SUSD1: variants seen among roughly 807,000 people sequenced by gnomAD.
SUSD1 encodes sushi domain containing 1, also known as sushi domain-containing protein 1.
A neutral mutation model predicts 86.9 loss-of-function variants in SUSD1; 65 were observed. That is an observed-to-expected ratio of 0.75 (90% CI 0.61 to 0.92). The LOEUF is 0.92. Among genes scored for constraint, SUSD1 ranks in the 40% least tolerant of loss-of-function variants. The pLI is 0.00. For missense variants in SUSD1, 850 were observed against 929.7 expected (o/e 0.91, Z 1.11); for synonymous variants, 346 against 350.0 (o/e 0.99, Z 0.13).
intron 2 of SUSD1, among the ~76,000 whole-genome samples, chr9:112,151,299 T>C (rs1833032793): frequency 6.6e-6 from 1 of 152,186 alleles, no homozygotes; most frequent in Non-Finnish European, 1.5e-5. Context: ...ACTAAATTTA[T>C]AAAAGTATCT....
intron 15 of SUSD1, among the ~76,000 whole-genome samples, chr9:112,051,489 T>C (rs1414230767): frequency 1.4e-5 from 2 of 145,750 alleles, no homozygotes; most frequent in Non-Finnish European, 3.0e-5. Context: ...TGGAGTACAA[T>C]GGCGCGATCT....
At chr9:112,100,706 C>A (rs935766552) in intron 9 of SUSD1, among the ~76,000 whole-genome samples, 49 of 151,788 alleles carry the variant, frequency 3.2e-4, no homozygotes, top group African/African-American at 1.1e-3. Context: ...GTGGGGCATG[C>A]CTGGAATCCC....
chr9:112,052,145 T>C, intron 15 of SUSD1: 1 of 1,420,596 alleles, frequency 7.0e-7, no homozygotes, highest in Non-Finnish European at 9.2e-7. Context: ...AAATAGAAAG[T>C]CCCACTCACG....
At chr9:112,062,900 A>C in intron 13 of SUSD1, 37 bp downstream of exon 13, 3 of 1,376,404 alleles carry the variant, frequency 2.2e-6, no homozygotes, top group Non-Finnish European at 3.1e-6. Context: ...CTCCATGGGG[A>C]TCACTGGGCA....
intron 15 of SUSD1, among the ~76,000 whole-genome samples, chr9:112,046,274 C>T (rs1436307757): frequency 6.6e-6 from 1 of 152,156 alleles, no homozygotes; most frequent in Admixed American, 6.5e-5. Flanking sequence ...TTTTTATAGC[C>T]TCACCATCCT....
chr9:112,153,825 G>A (rs1833175408), intron 2 of SUSD1, among the ~76,000 whole-genome samples: 1 of 151,810 alleles, frequency 6.6e-6, no homozygotes, highest in Admixed American at 6.6e-5. Context: ...TGTTGGACAG[G>A]CTGGTCTTGA....
At chr9:112,098,385 C>G (rs1589651700) in intron 10 of SUSD1, 85 bp downstream of exon 10, 1 of 1,388,812 alleles carries the variant, frequency 7.2e-7, no homozygotes, top group South Asian at 1.4e-5. Flanking sequence ...GACTCCCAAA[C>G]TAGCACTCTT....
intron 8 of SUSD1, among the ~76,000 whole-genome samples, chr9:112,107,510 T>C (rs149913998): frequency 7.6e-4 from 115 of 152,094 alleles, no homozygotes; most frequent in African/African-American, 2.7e-3. Flanking sequence ...CAAATAACAA[T>C]GATGTAAGTT....
At chr9:112,104,395 TA>T (rs1392456742) in intron 8 of SUSD1, among the ~76,000 whole-genome samples, 16 of 151,776 alleles carry the variant, frequency 1.1e-4, no homozygotes, top group African/African-American at 3.1e-4. Context: ...CTACTGCTAA[TA>T]ATAATAATAG....
At chr9:112,121,242 T>C (rs1457237616) in intron 6 of SUSD1, among the ~76,000 whole-genome samples, 1 of 152,168 alleles carries the variant, frequency 6.6e-6, no homozygotes, top group Non-Finnish European at 1.5e-5. Context: ...TTTTTCTGAT[T>C]GCAGTCTCTG....
chr9:112,097,187 A>G (rs1013159552), intron 10 of SUSD1, among the ~76,000 whole-genome samples: 4 of 151,654 alleles, frequency 2.6e-5, no homozygotes, highest in African/African-American at 9.7e-5. Flanking sequence ...TTAGCTGGGC[A>G]TGGTGGTATG....
intron 10 of SUSD1, among the ~76,000 whole-genome samples, chr9:112,094,924 CA>C (rs1441636907): frequency 1.3e-5 from 2 of 152,154 alleles, no homozygotes; most frequent in Non-Finnish European, 2.9e-5. Context: ...TTCAAGGTGG[CA>C]TTGTTTTTGT....
At chr9:112,115,561 C>T (rs1029065113) in intron 6 of SUSD1, among the ~76,000 whole-genome samples, 2 of 152,232 alleles carry the variant, frequency 1.3e-5, no homozygotes, top group East Asian at 1.9e-4. Context: ...AATCCTAGCA[C>T]TTTGCGGGGC....
chr9:112,041,564 G>A (rs1386568992), intron 16 of SUSD1, 72 bp from the exon 17 acceptor site: 7 of 778,932 alleles, frequency 9.0e-6, no homozygotes, highest in African/African-American at 6.8e-5. Flanking sequence ...GCATCTCTAT[G>A]CACAGCTCAC....
At chr9:112,087,468 A>G (rs1034263147) in intron 10 of SUSD1, among the ~76,000 whole-genome samples, 1 of 152,228 alleles carries the variant, frequency 6.6e-6, no homozygotes, top group Non-Finnish European at 1.5e-5. Context: ...GGTATGAGCC[A>G]CTGAGCCAGG....
At chr9:112,096,198 T>C (rs1385367457) in intron 10 of SUSD1, among the ~76,000 whole-genome samples, 1 of 152,212 alleles carries the variant, frequency 6.6e-6, no homozygotes, top group Non-Finnish European at 1.5e-5. Flanking sequence ...TTTCTGAACC[T>C]GACACCATGG....
intron 14 of SUSD1, among the ~76,000 whole-genome samples, chr9:112,056,406 A>T (rs969529474): frequency 6.6e-6 from 1 of 152,258 alleles, no homozygotes; most frequent in Admixed American, 6.5e-5. Context: ...AATGTGAATG[A>T]ACTTAATGCC....
At chr9:112,111,884 A>G (rs766444464) in intron 7 of SUSD1, 44 bp from the exon 8 acceptor site, 8 of 1,595,334 alleles carry the variant, frequency 5.0e-6, no homozygotes, top group Non-Finnish European at 6.8e-6. Flanking sequence ...ACTCCAGTCA[A>G]AACAATCCAG....
At chr9:112,064,425 G>A (rs911615005) in intron 12 of SUSD1, among the ~76,000 whole-genome samples, 8 of 152,206 alleles carry the variant, frequency 5.3e-5, no homozygotes, top group Admixed American at 2.6e-4. Flanking sequence ...ATTTTATCCC[G>A]AAACCATCCC....
Sources: allele counts gnomAD v4.1 joint callset (sites outside exome capture counted in the v4.1 genomes callset), GRCh38; gene constraint gnomAD v4.1.1; transcripts MANE v1.5; gene names NCBI Gene and HGNC (gene_info 2026-07-23, HGNC 2026-07-21).